The following SPIN1 variants were observed in gnomAD, a reference collection of about 807,000 sequenced individuals.
SPIN1 encodes the protein spindlin 1.
A neutral mutation model predicts 26.0 loss-of-function variants in SPIN1; 3 were observed. That is an observed-to-expected ratio of 0.12 (90% CI 0.05 to 0.30). The LOEUF is 0.30. Ranked by LOEUF, SPIN1 falls within the 10% of genes least tolerant of loss-of-function variation. SPIN1 has a pLI of 1.00. For synonymous variants in SPIN1, 101 were observed against 116.5 expected, an observed-to-expected ratio of 0.87 and a Z score of 0.86; for missense variants, 126 against 333.4, an observed-to-expected ratio of 0.38 and a Z score of 4.84.
intron 1 of SPIN1, among the ~76,000 whole-genome samples, chr9:88,394,040 G>T (rs1258522683): frequency 6.6e-6 from 1 of 151,984 alleles, no homozygotes; most frequent in Non-Finnish European, 1.5e-5. Context: ...GTAGAGATGG[G>T]GTTTTACCTT....
At chr9:88,467,185 T>TA (rs913210118) in intron 4 of SPIN1, among the ~76,000 whole-genome samples, 1 of 152,198 alleles carries the variant, frequency 6.6e-6, no homozygotes, top group Non-Finnish European at 1.5e-5. Flanking sequence ...ATGAAGGTGA[T>TA]AATTTTCACC....
At chr9:88,460,864 G>A (rs1481694256) in intron 3 of SPIN1, among the ~76,000 whole-genome samples, 1 of 152,220 alleles carries the variant, frequency 6.6e-6, no homozygotes, top group African/African-American at 2.4e-5. Context: ...GCACAGTTAA[G>A]TTGACACACA....
Position 88,389,594 on chromosome 9 carries a change from A to G in SPIN1, c.-159+1056A>G, listed in dbSNP as rs1357860863. Among the ~76,000 whole-genome samples, 7 of 152,240 alleles carry G rather than the reference A, an allele frequency of 4.6e-5. No individual in the cohort carries two copies. The South Asian group carries it at 8.3e-4, about 18-fold the overall frequency. ...CATGGTAAATATGGATTGTTTGGCA[A>G]TTTTATCACGTTAATCACAAAACAA... On this transcript the variant is annotated intron_variant, in intron 1 of 5. Coordinates refer to ENST00000375859, the MANE Select transcript of SPIN1 (RefSeq NM_006717.3).
At chr9:88,415,194 G>T (rs774906564) in intron 1 of SPIN1, among the ~76,000 whole-genome samples, 7 of 152,084 alleles carry the variant, frequency 4.6e-5, no homozygotes, top group Non-Finnish European at 1.0e-4. Context: ...GTGAACCACT[G>T]CGCCTGGCCT....
At chr9:88,407,163 A>C (rs1251543909) in intron 1 of SPIN1, among the ~76,000 whole-genome samples, 1 of 144,682 alleles carries the variant, frequency 6.9e-6, no homozygotes, top group Non-Finnish European at 1.5e-5. Flanking sequence ...AAAAAGATGG[A>C]GTCTCACTCT....
intron 2 of SPIN1, among the ~76,000 whole-genome samples, chr9:88,432,517 C>G (rs533100547): frequency 8.5e-4 from 127 of 150,290 alleles, no homozygotes; most frequent in African/African-American, 3.1e-3. Flanking sequence ...CAGAGTCTTG[C>G]TCTGTCACCC....
intron 2 of SPIN1, among the ~76,000 whole-genome samples, chr9:88,444,782 C>T (rs1403692124): frequency 2.7e-5 from 4 of 150,932 alleles, no homozygotes; most frequent in African/African-American, 9.8e-5. Flanking sequence ...GCTCCACCTC[C>T]CGGGTTCACA....
At chr9:88,402,991 T>A (rs928891104) in intron 1 of SPIN1, among the ~76,000 whole-genome samples, 1 of 152,200 alleles carries the variant, frequency 6.6e-6, no homozygotes, top group Non-Finnish European at 1.5e-5. Context: ...ATAATAGTTA[T>A]CCTAACTGTG....
intron 2 of SPIN1, among the ~76,000 whole-genome samples, chr9:88,435,481 C>A (rs1016454013): frequency 6.6e-6 from 1 of 152,086 alleles, no homozygotes; most frequent in Non-Finnish European, 1.5e-5. Context: ...TTCTTACCAG[C>A]AATAAAATAT....
Position 88,426,492 on chromosome 9 carries a change from A to G in SPIN1, c.-48A>G, listed in dbSNP as rs761634975. The G allele has an allele frequency of 6.6e-7, 1 of 1,520,034 alleles. No homozygotes were observed. Among genetic ancestry groups the G allele is most frequent in the East Asian group, 2.3e-5 (1 of 44,298 alleles). 94.2% of individuals were successfully genotyped at this position (1,520,034 alleles called of 1,614,324 possible). ...AAAGTTTCAAATTGGAGAATATTGA[A>G]TTTTCACCCTAGTCCAGCAGCTCCG... On this transcript the variant is annotated 5_prime_UTR_variant, in exon 2 of 6. Coordinates refer to ENST00000375859, the MANE Select transcript of SPIN1 (RefSeq NM_006717.3).
chr9:88,437,317 G>A (rs1391423369), intron 2 of SPIN1, among the ~76,000 whole-genome samples: 2 of 151,804 alleles, frequency 1.3e-5, no homozygotes, highest in East Asian at 2.0e-4. Context: ...GGGCAACATG[G>A]CAAAACCCTA....
At chr9:88,439,022 A>G (rs1219638950) in intron 2 of SPIN1, among the ~76,000 whole-genome samples, 1 of 152,114 alleles carries the variant, frequency 6.6e-6, no homozygotes, top group Non-Finnish European at 1.5e-5. Flanking sequence ...ATTCCTAAGG[A>G]CCCACTTCCT....
At chr9:88,399,851 G>T (rs1357384572) in intron 1 of SPIN1, among the ~76,000 whole-genome samples, 2 of 152,152 alleles carry the variant, frequency 1.3e-5, no homozygotes, top group African/African-American at 4.8e-5. Flanking sequence ...TTTTAGCTCA[G>T]GCTACACGTA....
chr9:88,476,679 A>G lies in SPIN1; in HGVS notation c.*1402A>G, dbSNP rs1239950478. The G allele has an allele frequency of 6.6e-6, 1 of 152,196 alleles. No homozygotes were observed. The highest frequency in any genetic ancestry group is 2.4e-5 in the African/African-American group (1 of 41,448). 9.4% of individuals were successfully genotyped at this position (152,196 alleles called of 1,614,324 possible). Reference sequence around the variant, plus strand: ...TGGTTTATTCCTGCAAGGTTGTTTTAAACTGAAATAGAACTGCTAGTGTGA... The same window carrying G: ...TGGTTTATTCCTGCAAGGTTGTTTTGAACTGAAATAGAACTGCTAGTGTGA... On this transcript the variant is annotated 3_prime_UTR_variant, in exon 6 of 6. Coordinates refer to ENST00000375859, the MANE Select transcript of SPIN1 (RefSeq NM_006717.3).
intron 1 of SPIN1, among the ~76,000 whole-genome samples, chr9:88,418,485 A>G (rs887116199): frequency 2.0e-5 from 3 of 152,204 alleles, no homozygotes; most frequent in African/African-American, 7.2e-5. Flanking sequence ...ATGTTTCACT[A>G]TTAGTACTCC....
chr9:88,396,304 A>G (rs1283656786), intron 1 of SPIN1, among the ~76,000 whole-genome samples: 1 of 151,816 alleles, frequency 6.6e-6, no homozygotes, highest in African/African-American at 2.4e-5. Flanking sequence ...TTAAAACTCT[A>G]AATGGTGGCC....
intron 2 of SPIN1, among the ~76,000 whole-genome samples, chr9:88,434,894 A>G (rs1467375640): frequency 6.6e-6 from 1 of 152,130 alleles, no homozygotes; most frequent in East Asian, 1.9e-4. Flanking sequence ...TCTACTGAAA[A>G]TGCAAAAATT....
intron 1 of SPIN1, among the ~76,000 whole-genome samples, chr9:88,396,324 C>CG (rs899865560): frequency 1.1e-4 from 17 of 151,856 alleles, no homozygotes; most frequent in African/African-American, 4.1e-4. Context: ...CAGGTGGGTG[C>CG]GGTGGCTCAC....
intron 1 of SPIN1, among the ~76,000 whole-genome samples, chr9:88,414,552 C>G (rs1379099320): frequency 6.6e-6 from 1 of 152,186 alleles, no homozygotes; most frequent in Non-Finnish European, 1.5e-5. Context: ...ACGTGGCTGA[C>G]CTGAGCTGTG....
Sources: allele counts gnomAD v4.1 joint callset (sites outside exome capture counted in the v4.1 genomes callset), GRCh38; gene constraint gnomAD v4.1.1; transcripts MANE v1.5; gene names NCBI Gene and HGNC (gene_info 2026-07-23, HGNC 2026-07-21).